Variants in KCNJ1 observed in about 807,000 individuals in gnomAD.
KCNJ1 encodes the protein potassium inwardly rectifying channel subfamily J member 1, also known as ATP-sensitive inward rectifier potassium channel 1.
KCNJ1 carries 24 observed loss-of-function variants against 21.9 expected under a neutral mutation model. The observed-to-expected ratio is 1.10, with a 90% CI of 0.79 to 1.54. The LOEUF is 1.54. Among genes scored for constraint, KCNJ1 ranks in the 40% most tolerant of loss-of-function variants. The pLI, the probability that KCNJ1 is intolerant of heterozygous loss-of-function variation, is 0.00. For synonymous variants in KCNJ1, 152 were observed against 160.9 expected (o/e 0.94, Z 0.42); for missense variants, 457 against 455.4 (o/e 1.00, Z -0.03).
chr11:128,853,819 G>A (rs1229279811), intron 1 of KCNJ1, among the ~76,000 whole-genome samples: 1 of 152,220 alleles, frequency 6.6e-6, no homozygotes, highest in Non-Finnish European at 1.5e-5. Flanking sequence ...TCTCTAGCAA[G>A]TGGTTACTGT....
At chr11:128,844,234 G>T (rs530671117) in intron 2 of KCNJ1, among the ~76,000 whole-genome samples, 1 of 152,266 alleles carries the variant, frequency 6.6e-6, no homozygotes, top group South Asian at 2.1e-4. Context: ...CCAGGCAGGG[G>T]CAACCAAGGA....
chr11:128,858,966 G>A (rs1943645781), intron 1 of KCNJ1, among the ~76,000 whole-genome samples: 1 of 152,162 alleles, frequency 6.6e-6, no homozygotes, highest in Non-Finnish European at 1.5e-5. Context: ...ATGCCACCAG[G>A]CAGGTCACCC....
chr11:128,849,711 T>C (rs1943448431), intron 2 of KCNJ1, among the ~76,000 whole-genome samples: 1 of 152,224 alleles, frequency 6.6e-6, no homozygotes, highest in Non-Finnish European at 1.5e-5. Context: ...CATCATACTT[T>C]TTTTTGGAAG....
At chr11:128,864,942 C>G (rs888945991) in intron 1 of KCNJ1, among the ~76,000 whole-genome samples, 2 of 152,028 alleles carry the variant, frequency 1.3e-5, no homozygotes, top group African/African-American at 4.8e-5. Context: ...GATCTTACCC[C>G]GGTTCTCACC....
At chr11:128,847,645 A>T (rs1228992434) in intron 2 of KCNJ1, among the ~76,000 whole-genome samples, 1 of 152,186 alleles carries the variant, frequency 6.6e-6, no homozygotes, top group Non-Finnish European at 1.5e-5. Flanking sequence ...ACAAAAACCT[A>T]TACCTCTTCT....
rs777959139 is a variant in KCNJ1, at chr11:128,839,356, G to A, written c.888C>T (p.Val296=). 2.5e-6 allele frequency: 4 copies of A among 1,614,004 alleles called. No individual in the cohort carries two copies. The Admixed American group carries it at 5.0e-5, about 20-fold the overall frequency. Residue 296 remains valine (V), a synonymous_variant, in exon 3 of 3, where the codon GTC becomes GTT. Coordinates refer to ENST00000392666, the MANE Select transcript of KCNJ1 (RefSeq NM_153766.3). ...GGTAGCCCCAAAGCACCTCCTCTGG[G>A]ACATAGGATGTCCGGACTTGGCAGG... ...SATCQVRTSY[V]PEEVLWGYRF...
chr11:128,840,368 A>T (rs1165826069), intron 2 of KCNJ1, 104 bp from the exon 3 acceptor site: 11 of 1,108,100 alleles, frequency 9.9e-6, no homozygotes, highest in Non-Finnish European at 1.5e-5. Flanking sequence ...ATTCAAAATT[A>T]TCTGGGTTAC....
intron 2 of KCNJ1, among the ~76,000 whole-genome samples, chr11:128,846,222 C>A (rs1234736092): frequency 6.6e-6 from 1 of 152,152 alleles, no homozygotes; most frequent in Non-Finnish European, 1.5e-5. Flanking sequence ...GCTAAGCAAA[C>A]CACTGACCTT....
chr11:128,863,034 A>G (rs1943748597), intron 1 of KCNJ1, among the ~76,000 whole-genome samples: 1 of 152,232 alleles, frequency 6.6e-6, no homozygotes, highest in Non-Finnish European at 1.5e-5. Context: ...GATCTGGATA[A>G]AGCCAGAAAG....
In KCNJ1 at chr11:128,839,376, G is replaced by A; in HGVS notation, c.868C>T (p.Gln290Ter). Residue 290 changes from glutamine (Q) to a stop codon, truncating the protein, a stop_gained, in exon 3 of 3, where the codon CAA (glutamine) becomes TAA (stop). Transcript: ENST00000392666. LOFTEE classifies it high-confidence loss of function. ...GTVESTSATC[Q>*]VRTSYVPEEV... ...TCTGGGACATAGGATGTCCGGACTT[G>A]GCAGGTAGCACTGGTGGACTCCACT... 1 of 1,614,156 alleles carries A rather than the reference G, an allele frequency of 6.2e-7. No individual in the cohort carries two copies. The highest frequency in any genetic ancestry group is 8.5e-7 in the Non-Finnish European group (1 of 1,180,020).
intron 1 of KCNJ1, among the ~76,000 whole-genome samples, chr11:128,856,076 C>G (rs1374616780): frequency 6.6e-6 from 1 of 151,652 alleles, no homozygotes; most frequent in Non-Finnish European, 1.5e-5. Context: ...ACCAGAACTT[C>G]CGGGCGGGAA....
At chr11:128,846,997 C>T (rs976276310) in intron 2 of KCNJ1, among the ~76,000 whole-genome samples, 6 of 152,150 alleles carry the variant, frequency 3.9e-5, no homozygotes, top group Non-Finnish European at 8.8e-5. Flanking sequence ...ACAAAATGGC[C>T]GAATATCCCC....
chr11:128,840,136 A>G lies in KCNJ1; in HGVS notation c.108T>C (p.Asn36=). Residue 36 remains asparagine (N), a synonymous_variant, in exon 3 of 3, where the codon AAT becomes AAC. Coordinates refer to ENST00000392666, the MANE Select transcript of KCNJ1 (RefSeq NM_153766.3). ...KDGRCNIEFG[N]VEAQSRFIFF... Reference sequence around the variant, plus strand: ...ATATAAACCTTGACTGTGCCTCCACATTGCCAAATTCTATGTTGCACCTTC... The same window carrying G: ...ATATAAACCTTGACTGTGCCTCCACGTTGCCAAATTCTATGTTGCACCTTC... The G allele has an allele frequency of 6.2e-7, 1 of 1,614,176 alleles. No homozygotes were observed. The highest frequency in any genetic ancestry group is 8.5e-7 in the Non-Finnish European group (1 of 1,180,016).
intron 2 of KCNJ1, among the ~76,000 whole-genome samples, chr11:128,844,256 G>C (rs1418396419): frequency 6.6e-6 from 1 of 152,142 alleles, no homozygotes; most frequent in Non-Finnish European, 1.5e-5. Flanking sequence ...AGAAAACATG[G>C]GGGAGCTGAA....
At chr11:128,848,214 G>A (rs1410735473) in intron 2 of KCNJ1, among the ~76,000 whole-genome samples, 1 of 151,464 alleles carries the variant, frequency 6.6e-6, no homozygotes, top group African/African-American at 2.4e-5. Flanking sequence ...TGTGAACCCG[G>A]GAGGCGGAGC....
In KCNJ1 at chr11:128,839,447, G is replaced by T. The variant is rs1943232358; in HGVS notation, c.797C>A (p.Thr266Asn). The T allele has an allele frequency of 6.2e-7, 1 of 1,614,140 alleles. No homozygotes were observed. The highest frequency in any genetic ancestry group is 2.2e-5 in the East Asian group (1 of 44,890). The change falls in exon 3 of 3, where the codon ACC becomes AAC. Residue 266 changes from threonine (T) to asparagine (N), a missense_variant. Thr to Asn is a moderately conservative substitution (Grantham distance 65). Transcript: ENST00000392666. ...NSPFFHMAAE[T>N]LLQQDFELVV... ...TAATTCAAAGTCCTGCTGGAGAAGG[G>T]TCTCCGCTGCCATGTGGAAGAAAGG... is the stretch of plus-strand genomic sequence containing the variant.
In KCNJ1 at chr11:128,839,978, T is replaced by C. The variant is rs1479712998; in HGVS notation, c.266A>G (p.Asp89Gly). 10 of 1,613,760 alleles carry C rather than the reference T, an allele frequency of 6.2e-6. No individual in the cohort carries two copies. The highest frequency in any genetic ancestry group is 8.5e-6 in the Non-Finnish European group (10 of 1,179,960). ...GGCAGAAGGATGGAATTCCGGGAGGTCTTTGTGAATGTACGCTACTGCATA... is the reference window on the plus strand; with the variant it reads ...GGCAGAAGGATGGAATTCCGGGAGGCCTTTGTGAATGTACGCTACTGCATA... ...LWYAVAYIHKDLPEFHPSANH... is the reference protein window; with the variant it reads ...LWYAVAYIHKGLPEFHPSANH... Residue 89 changes from aspartate to glycine, a missense_variant, in exon 3 of 3, where the codon GAC (aspartate) becomes GGC (glycine). Transcript: ENST00000392666.
chr11:128,857,765 C>T (rs1392656238), intron 1 of KCNJ1, among the ~76,000 whole-genome samples: 5 of 152,190 alleles, frequency 3.3e-5, no homozygotes, highest in Non-Finnish European at 4.4e-5. Flanking sequence ...AGGACGAGTG[C>T]CTGTGCAATG....
intron 1 of KCNJ1, among the ~76,000 whole-genome samples, chr11:128,863,823 T>C (rs1463884832): frequency 6.6e-6 from 1 of 152,128 alleles, no homozygotes; most frequent in Non-Finnish European, 1.5e-5. Flanking sequence ...TTTGGTTTCT[T>C]TCTGCTATTT....
Sources: gnomAD v4.1 joint callset for allele counts (sites outside exome capture counted in the v4.1 genomes callset) on GRCh38, gnomAD v4.1.1 for gene constraint, MANE v1.5 for transcripts, NCBI Gene and HGNC (gene_info 2026-07-23, HGNC 2026-07-21) for gene names.